The following RDH12 variants were observed in gnomAD, a reference collection of about 807,000 sequenced individuals.
The protein encoded by RDH12 is all-trans and 9-cis retinol dehydrogenase.
Under a neutral mutation model 34.0 loss-of-function variants are expected in RDH12, and 21 were observed. The observed-to-expected ratio is 0.62, with a 90% CI of 0.44 to 0.89. The LOEUF (loss-of-function observed/expected upper bound fraction) is 0.89, where lower values mean the gene tolerates loss of function less well. RDH12 is among the 40% of genes least tolerant of loss of function. The probability of loss-of-function intolerance (pLI) is 0.00; values close to 1 mark genes in which losing one functional copy is unlikely to be tolerated. For synonymous variants in RDH12, 198 were observed against 169.9 expected (o/e 1.17, Z -1.29); for missense variants, 394 against 398.6 (o/e 0.99, Z 0.10).
intron 1 of RDH12, 115 bp from the exon 2 acceptor site, chr14:67,720,733 C>T (rs1051451302): frequency 6.6e-6 from 1 of 152,212 alleles, no homozygotes; most frequent in African/African-American, 2.4e-5. Flanking sequence ...TACAACTTAT[C>T]AATGATATGA....
chr14:67,720,262 G>A (rs2038109232), intron 1 of RDH12, among the ~76,000 whole-genome samples: 1 of 152,042 alleles, frequency 6.6e-6, no homozygotes, highest in Admixed American at 6.6e-5. Context: ...ATTTGTAAGA[G>A]TTCTTTATCT....
intron 8 of RDH12, 70 bp downstream of exon 8, chr14:67,729,450 C>A: frequency 1.4e-6 from 2 of 1,475,618 alleles, no homozygotes; most frequent in South Asian, 2.3e-5. Context: ...CTGGGCTGTT[C>A]ATCCTGAGAA....
At chr14:67,727,628 A>C in intron 7 of RDH12, 1 of 221,420 alleles carries the variant, frequency 4.5e-6, no homozygotes, top group Non-Finnish European at 9.1e-6. Context: ...GATTACAAGC[A>C]CGCAATATCA....
chr14:67,726,204 CT>C, intron 6 of RDH12, 49 bp downstream of exon 6: 1 of 1,083,856 alleles, frequency 9.2e-7, no homozygotes, highest in Non-Finnish European at 1.4e-6. Flanking sequence ...ACTATCTTTT[CT>C]TTAGGAAGAT....
chr14:67,733,645 T>C, intron 8 of RDH12, 101 bp from the exon 9 acceptor site: 1 of 774,468 alleles, frequency 1.3e-6, no homozygotes, highest in Middle Eastern at 2.4e-4. Flanking sequence ...TGGCATATAT[T>C]GTATTTTATT....
At chr14:67,726,555 C>T (rs576559348) in intron 6 of RDH12, among the ~76,000 whole-genome samples, 22 of 152,172 alleles carry the variant, frequency 1.4e-4, no homozygotes, top group Non-Finnish European at 2.8e-4. Context: ...AACTTGAGTA[C>T]GAGGCAGGGT....
chr14:67,722,294 C>A (rs1377107199), intron 2 of RDH12, 130 bp from the exon 3 acceptor site: 1 of 392,826 alleles, frequency 2.5e-6, no homozygotes, highest in Non-Finnish European at 4.8e-6. Flanking sequence ...GTTGGGAGAA[C>A]ACATTTCCTA....
chr14:67,730,014 T>C (rs1233772132), intron 8 of RDH12, among the ~76,000 whole-genome samples: 1 of 152,216 alleles, frequency 6.6e-6, no homozygotes, highest in African/African-American at 2.4e-5. Context: ...CGTGAAGCAC[T>C]GGAAATAGTC....
chr14:67,708,303 T>C (rs943994113), intron 1 of RDH12, among the ~76,000 whole-genome samples: 1 of 152,216 alleles, frequency 6.6e-6, no homozygotes, highest in Admixed American at 6.5e-5. Context: ...TTTATGCAGT[T>C]AATCCTGTTC....
At chr14:67,719,392 C>A (rs2038099831) in intron 1 of RDH12, among the ~76,000 whole-genome samples, 1 of 152,186 alleles carries the variant, frequency 6.6e-6, no homozygotes, top group Non-Finnish European at 1.5e-5. Flanking sequence ...GTCTTAAGAC[C>A]TTTTCCAAGC....
At position 67,725,029 on chromosome 14, in the gene RDH12, A is replaced by G. The variant is rs141031951; in HGVS notation, c.188-70A>G. 1.3e-4 allele frequency: 196 copies of G among 1,553,542 alleles called. 1 individual carries two copies. In the East Asian group the frequency reaches 4.3e-3, roughly 34 times the overall value. ...ATGAATGCTCTGTCCCCCAGTCCCA[A>G]GCTCACTTACTATACCTCCTTTATA... On this transcript the variant is annotated intron_variant, in intron 4 of 8. Coordinates refer to ENST00000551171, the MANE Select transcript of RDH12 (RefSeq NM_152443.3).
chr14:67,718,943 T>C (rs1283309139), intron 1 of RDH12, among the ~76,000 whole-genome samples: 2 of 152,192 alleles, frequency 1.3e-5, no homozygotes, highest in African/African-American at 4.8e-5. Context: ...TCAACAGAAA[T>C]TAAGGCCATT....
In RDH12 at chr14:67,724,392, GTTTT is replaced by G. The variant is rs11331653; in HGVS notation, c.69-67_69-64del. The stretch of plus-strand genomic sequence containing the variant: ...ATACCCTTCTTTGAGGCTGGATAGA[GTTTT>G]TTTTTTTTTTTTTAACGTATCTTAG... On this transcript the variant is annotated intron_variant, in intron 3 of 8. Coordinates refer to ENST00000551171, the MANE Select transcript of RDH12 (RefSeq NM_152443.3). 4,138 of 685,204 alleles carry G rather than the reference GTTTT, an allele frequency of 6.0e-3. 5 individuals carry two copies. Among genetic ancestry groups the G allele is most frequent in the East Asian group, 0.013 (352 of 26,598 alleles). 42.4% of individuals were successfully genotyped at this position (685,204 alleles called of 1,614,324 possible). A position where few individuals can be genotyped will look rare whatever the true frequency, so the allele number is the denominator to read the frequency against.
chr14:67,725,849 T>C (rs1566847327), intron 5 of RDH12, among the ~76,000 whole-genome samples: 1 of 152,186 alleles, frequency 6.6e-6, no homozygotes, highest in Non-Finnish European at 1.5e-5. Context: ...GTCACTGAGA[T>C]AGGTCCAAAT....
rs71129853 is a variant in RDH12 at position 67,731,207 on chromosome 14, CTTTTTTTT to C, written c.848+1844_848+1851del. ...TGTTTCTCATCATATTTCTTTCTTT[CTTTTTTTT>C]TTTTTTTTTTTTTTTTGGAGACATA... is the stretch of plus-strand genomic sequence containing the variant. On this transcript the variant is annotated intron_variant, in intron 8 of 8. Coordinates refer to ENST00000551171, the MANE Select transcript of RDH12 (RefSeq NM_152443.3). Among the ~76,000 whole-genome samples, 7 of 90,610 alleles carry C rather than the reference CTTTTTTTT, an allele frequency of 7.7e-5. 1 individual carries two copies. Among genetic ancestry groups the C allele is most frequent in the Admixed American group, 2.8e-4 (2 of 7,210 alleles). 59.4% of individuals were successfully genotyped at this position (90,610 alleles called of 152,430 possible).
chr14:67,729,176 C>A lies in RDH12; in HGVS notation c.659-15C>A, dbSNP rs1297430265. ...AGAGTGTGTCCCTGATCTAATTGTG[C>A]CCTCTTTGTCCCAGGCACCGGGGTC... On this transcript the variant is annotated splice_polypyrimidine_tract_variant and intron_variant, in intron 7 of 8. Coordinates refer to ENST00000551171, the MANE Select transcript of RDH12 (RefSeq NM_152443.3). 2 of 1,612,398 alleles carry A rather than the reference C, an allele frequency of 1.2e-6. No individual in the cohort carries two copies. Among genetic ancestry groups the A allele is most frequent in the Non-Finnish European group, 1.7e-6 (2 of 1,179,648 alleles).
At chr14:67,705,159 T>C (rs941796523) in intron 1 of RDH12, among the ~76,000 whole-genome samples, 1 of 152,120 alleles carries the variant, frequency 6.6e-6, no homozygotes, top group African/African-American at 2.4e-5. Context: ...TCGTTAGAAG[T>C]TGGAATGATT....
At chr14:67,722,078 C>T (rs1307846342) in intron 2 of RDH12, among the ~76,000 whole-genome samples, 1 of 152,198 alleles carries the variant, frequency 6.6e-6, no homozygotes, top group Non-Finnish European at 1.5e-5. Flanking sequence ...AGAGCACTCT[C>T]AGCCCTCCAG....
intron 3 of RDH12, 125 bp downstream of exon 3, chr14:67,722,835 CAGGA>C: frequency 1.2e-6 from 1 of 861,554 alleles, no homozygotes; most frequent in Non-Finnish European, 2.0e-6. Context: ...GCAGGAAAAG[CAGGA>C]AGGAAGGGGG....
Sources: gnomAD v4.1 joint callset for allele counts (sites outside exome capture counted in the v4.1 genomes callset) on GRCh38, gnomAD v4.1.1 for gene constraint, MANE v1.5 for transcripts, NCBI Gene and HGNC (gene_info 2026-07-23, HGNC 2026-07-21) for gene names.